The following ZHX2 variants were observed in gnomAD, a reference collection of about 807,000 sequenced individuals.
ZHX2 encodes the protein zinc fingers and homeoboxes protein 2.
In ZHX2, 6 loss-of-function variants were observed where a neutral mutation model predicts 21.9. The observed-to-expected ratio is 0.27, with a 90% CI of 0.15 to 0.54. The LOEUF (loss-of-function observed/expected upper bound fraction) is 0.54. Among genes scored for constraint, ZHX2 ranks in the 20% least tolerant of loss-of-function variants. ZHX2 has a pLI of 0.95. For synonymous variants in ZHX2, 434 were observed against 437.1 expected (o/e 0.99, Z 0.09); for missense variants, 908 against 1,090.7 (o/e 0.83, Z 2.36).
chr8:122,942,031 T>G (rs1360640729), intron 2 of ZHX2, among the ~76,000 whole-genome samples: 3 of 152,170 alleles, frequency 2.0e-5, no homozygotes, highest in Admixed American at 1.3e-4. Flanking sequence ...CCAGTGACCT[T>G]TCAAAGGCAA....
At chr8:122,955,969 C>T (rs781109350) in intron 3 of ZHX2, among the ~76,000 whole-genome samples, 3 of 151,768 alleles carry the variant, frequency 2.0e-5, no homozygotes, top group Non-Finnish European at 2.9e-5. Flanking sequence ...ATCAGCCTCC[C>T]GAGTAGCTGG....
chr8:122,818,949 A>G (rs557086023), intron 1 of ZHX2, among the ~76,000 whole-genome samples: 1 of 152,356 alleles, frequency 6.6e-6, no homozygotes, highest in East Asian at 1.9e-4. Context: ...AGGCAGCAGC[A>G]AGCTCGCAGA....
chr8:122,841,326 T>C (rs1464367784), intron 1 of ZHX2, among the ~76,000 whole-genome samples: 1 of 152,132 alleles, frequency 6.6e-6, no homozygotes, highest in Non-Finnish European at 1.5e-5. Context: ...CTGTATTCAA[T>C]CCAGTGGCGC....
At chr8:122,934,807 G>C (rs1448612425) in intron 2 of ZHX2, among the ~76,000 whole-genome samples, 2 of 152,002 alleles carry the variant, frequency 1.3e-5, no homozygotes, top group African/African-American at 4.8e-5. Context: ...TCCTGTCTCA[G>C]CCTCCCAAGT....
At chr8:122,941,930 G>C (rs1812855517) in intron 2 of ZHX2, among the ~76,000 whole-genome samples, 1 of 152,198 alleles carries the variant, frequency 6.6e-6, no homozygotes, top group Admixed American at 6.5e-5. Context: ...GATGGTTTGG[G>C]AGCCACATTA....
intron 2 of ZHX2, among the ~76,000 whole-genome samples, chr8:122,890,134 A>G (rs1456925828): frequency 1.3e-5 from 2 of 152,164 alleles, no homozygotes; most frequent in Admixed American, 6.5e-5. Context: ...TGATTTTTAT[A>G]TACAGTGAGA....
chr8:122,959,943 A>G (rs11989189), intron 3 of ZHX2, among the ~76,000 whole-genome samples: 2 of 152,112 alleles, frequency 1.3e-5, no homozygotes, highest in African/African-American at 4.8e-5. Flanking sequence ...CAGAGGAAGG[A>G]TGTAGGTCCC....
intron 3 of ZHX2, among the ~76,000 whole-genome samples, chr8:122,956,921 G>C (rs1450263893): frequency 6.6e-6 from 1 of 152,082 alleles, no homozygotes; most frequent in Non-Finnish European, 1.5e-5. Context: ...ATGCACATGG[G>C]GGTGGGATGT....
intron 1 of ZHX2, among the ~76,000 whole-genome samples, chr8:122,808,132 A>T (rs149391136): frequency 3.2e-4 from 48 of 152,250 alleles, no homozygotes; most frequent in African/African-American, 1.1e-3. Flanking sequence ...TACGCCTTTA[A>T]ATACTTTTAA....
At chr8:122,936,325 C>T (rs554040222) in intron 2 of ZHX2, among the ~76,000 whole-genome samples, 2 of 152,232 alleles carry the variant, frequency 1.3e-5, no homozygotes, top group South Asian at 2.1e-4. Flanking sequence ...AAGCAATCTG[C>T]GGCTAAAAAT....
At chr8:122,800,977 C>T (rs1261664834) in intron 1 of ZHX2, among the ~76,000 whole-genome samples, 2 of 152,162 alleles carry the variant, frequency 1.3e-5, no homozygotes, top group Non-Finnish European at 2.9e-5. Context: ...TATTTGTTAG[C>T]CTTTTGCTTG....
rs140563255 is a variant in ZHX2, at chr8:122,806,900, G to A, written c.-283+24954G>A. 4.4e-3 allele frequency among the ~76,000 whole-genome samples: 673 copies of A among 152,252 alleles called. 3 individuals are homozygous for A. The highest frequency in any genetic ancestry group is 5.6e-3 in the Non-Finnish European group (382 of 68,024). On this transcript the variant is annotated intron_variant, in intron 1 of 3. Coordinates refer to ENST00000314393, the MANE Select transcript of ZHX2 (RefSeq NM_014943.5). ...CAGAAAGATTAAGTAATTTTCTCTA[G>A]GTCTGATGATAGGGGAAGGGGAGTG... is the stretch of plus-strand genomic sequence containing the variant.
At chr8:122,931,118 T>G (rs1031361126) in intron 2 of ZHX2, among the ~76,000 whole-genome samples, 2 of 152,060 alleles carry the variant, frequency 1.3e-5, no homozygotes. Flanking sequence ...ATAAAATGAG[T>G]GGAGCTGAAC....
At chr8:122,864,469 T>C (rs1433798958) in intron 2 of ZHX2, among the ~76,000 whole-genome samples, 1 of 151,942 alleles carries the variant, frequency 6.6e-6, no homozygotes, top group Non-Finnish European at 1.5e-5. Context: ...AGGGGGCAAC[T>C]CTCAAAGCAT....
chr8:122,810,727 C>T (rs914080532), intron 1 of ZHX2, among the ~76,000 whole-genome samples: 1 of 152,062 alleles, frequency 6.6e-6, no homozygotes, highest in African/African-American at 2.4e-5. Flanking sequence ...GAGTCGTGCC[C>T]ATCAAAATGG....
intron 1 of ZHX2, among the ~76,000 whole-genome samples, chr8:122,785,816 G>T (rs1817383557): frequency 6.6e-6 from 1 of 152,184 alleles, no homozygotes; most frequent in Non-Finnish European, 1.5e-5. Flanking sequence ...GCTGTGCAAA[G>T]AGATGATGCC....
intron 2 of ZHX2, among the ~76,000 whole-genome samples, chr8:122,873,614 T>C (rs1472706250): frequency 2.0e-5 from 3 of 152,220 alleles, no homozygotes; most frequent in East Asian, 1.9e-4. Flanking sequence ...CTGGTTTATA[T>C]TGCAGACAAC....
chr8:122,917,722 C>T (rs1285488242), intron 2 of ZHX2, among the ~76,000 whole-genome samples: 1 of 152,106 alleles, frequency 6.6e-6, no homozygotes, highest in East Asian at 1.9e-4. Flanking sequence ...CCCCCAAAAC[C>T]CCTTGGGCCT....
intron 1 of ZHX2, among the ~76,000 whole-genome samples, chr8:122,843,148 A>G (rs1818677171): frequency 6.6e-6 from 1 of 152,252 alleles, no homozygotes; most frequent in Non-Finnish European, 1.5e-5. Flanking sequence ...AATGATTGAG[A>G]TAATTACAGC....
Sources: gnomAD v4.1 joint callset for allele counts (sites outside exome capture counted in the v4.1 genomes callset) on GRCh38, gnomAD v4.1.1 for gene constraint, MANE v1.5 for transcripts, NCBI Gene and HGNC (gene_info 2026-07-23, HGNC 2026-07-21) for gene names.